The following ARHGEF9 variants were observed in gnomAD, a reference collection of about 807,000 sequenced individuals.
The protein encoded by ARHGEF9 is Cdc42 guanine nucleotide exchange factor 9, also known as rho guanine nucleotide exchange factor 9.
In ARHGEF9, 2 loss-of-function variants were observed where a neutral mutation model predicts 41.3. The ratio of observed to expected loss-of-function variants is 0.05; its 90% CI spans 0.02 to 0.15. The LOEUF is 0.15. Ranked by LOEUF, ARHGEF9 falls within the 10% of genes least tolerant of loss-of-function variation. ARHGEF9 has a pLI of 1.00. For synonymous variants in ARHGEF9, 160 were observed against 154.4 expected (o/e 1.04, Z -0.27); for missense variants, 225 against 424.7 (o/e 0.53, Z 4.13).
intron 8 of ARHGEF9, among the ~76,000 whole-genome samples, chrX:63,655,181 T>C (rs2048803383): frequency 8.9e-6 from 1 of 112,136 alleles, no homozygotes; most frequent in Admixed American, 9.4e-5. Context: ...TTATGAAGAT[T>C]ACAGAACAGG....
At chrX:63,701,083 G>A (rs2052130429) in intron 3 of ARHGEF9, among the ~76,000 whole-genome samples, 1 of 111,808 alleles carries the variant, frequency 8.9e-6, no homozygotes, top group African/African-American at 3.3e-5. Context: ...ACCCACCAGG[G>A]CTGATCTACG....
rs374922142 is a variant in ARHGEF9 at position 63,750,356 on chromosome X, A to C, written c.31-25645T>G. Among the ~76,000 whole-genome samples the C allele has an allele frequency of 2.1e-4, 23 of 111,461 alleles. No homozygotes were observed. In the East Asian group the frequency reaches 6.2e-3, roughly 30 times the overall value. The stretch of plus-strand genomic sequence containing the variant: ...GGATCTTTCAGCTCCCTAGTAGCTG[A>C]ATCACACACACACCGGTGGGTGAGA... On this transcript the variant is annotated intron_variant, in intron 1 of 9. Coordinates refer to ENST00000671741, the MANE Select transcript of ARHGEF9 (RefSeq NM_001353921.2).
chrX:63,648,738 A>G (rs2048309376), intron 8 of ARHGEF9, among the ~76,000 whole-genome samples: 1 of 111,454 alleles, frequency 9.0e-6, no homozygotes, highest in South Asian at 3.8e-4. Context: ...TAGGCTCAAA[A>G]TAAAGGGATG....
At chrX:63,664,277 C>T (rs1556345239) in intron 7 of ARHGEF9, among the ~76,000 whole-genome samples, 2 of 112,369 alleles carry the variant, frequency 1.8e-5, no homozygotes, top group African/African-American at 6.5e-5. Context: ...TTATTCCTGG[C>T]TTCTGACTCA....
chrX:63,722,074 TC>T (rs1287468310), intron 2 of ARHGEF9, among the ~76,000 whole-genome samples: 6 of 112,128 alleles, frequency 5.4e-5, no homozygotes, highest in African/African-American at 1.9e-4. Flanking sequence ...GACTGAATTG[TC>T]CCCATTTTAC....
chrX:63,762,135 A>G (rs2056044794), intron 1 of ARHGEF9, among the ~76,000 whole-genome samples: 1 of 111,654 alleles, frequency 9.0e-6, no homozygotes, highest in Non-Finnish European at 1.9e-5. Context: ...CCTGAGCCTC[A>G]TAACTCATTC....
intron 1 of ARHGEF9, among the ~76,000 whole-genome samples, chrX:63,739,963 C>T (rs782147577): frequency 1.7e-4 from 19 of 111,854 alleles, no homozygotes; most frequent in African/African-American, 5.9e-4. Flanking sequence ...ACTACATAGT[C>T]TAGTTTCTGA....
chrX:63,645,189 AC>A (rs2047934854), intron 8 of ARHGEF9, among the ~76,000 whole-genome samples: 1 of 111,003 alleles, frequency 9.0e-6, no homozygotes, highest in Non-Finnish European at 1.9e-5. Flanking sequence ...TACAGTTGAG[AC>A]TTTATTCAAA....
chrX:63,779,872 T>C lies in ARHGEF9; in HGVS notation c.30+5244A>G, dbSNP rs2056354128. 2.7e-5 allele frequency among the ~76,000 whole-genome samples: 3 copies of C among 111,694 alleles called. No homozygotes were observed. In the South Asian group the frequency reaches 1.1e-3, roughly 42 times the overall value. ...AAACATCGTTTTTCCCTTCTTCCTC[T>C]GTATTAGAAACCCTACTCCCAATTT... is the stretch of plus-strand genomic sequence containing the variant. On this transcript the variant is annotated intron_variant, in intron 1 of 9. Coordinates refer to ENST00000671741, the MANE Select transcript of ARHGEF9 (RefSeq NM_001353921.2).
chrX:63,642,350 A>T (rs1445776807), intron 9 of ARHGEF9: 1 of 112,009 alleles, frequency 8.9e-6, no homozygotes, highest in Non-Finnish European at 1.9e-5. Context: ...TACTGACATT[A>T]ACTCCAGATT....
intron 1 of ARHGEF9, chrX:63,755,005 C>T: frequency 4.3e-6 from 4 of 938,798 alleles, no homozygotes; most frequent in Non-Finnish European, 5.3e-6. Flanking sequence ...CTCAGTCTCC[C>T]CTACTCCCTT....
chrX:63,781,392 A>G (rs1556462023), intron 1 of ARHGEF9, among the ~76,000 whole-genome samples: 1 of 111,509 alleles, frequency 9.0e-6, no homozygotes, highest in Non-Finnish European at 1.9e-5. Flanking sequence ...GGTAATCCAC[A>G]TAGAACCAAG....
chrX:63,655,647 C>T lies in ARHGEF9; in HGVS notation c.1168G>A (p.Asp390Asn). Reference sequence around the variant, plus strand: ...GCATTCTTCATGCTGACATTGAAGTCATCATCTCTGCCATCCTCAATGTCA... The same window carrying T: ...GCATTCTTCATGCTGACATTGAAGTTATCATCTCTGCCATCCTCAATGTCA... ...VVDIEDGRDD[D>N]FNVSMKNAFK... Residue 390 changes from aspartate (D) to asparagine (N), a missense_variant, in exon 8 of 10, where the codon GAC becomes AAC. Around this residue, in one of 3 missense-constraint regions of ARHGEF9, gnomAD observed 75 missense variants for 113.2 expected, o/e 0.66. Coordinates refer to ENST00000671741, the MANE Select transcript of ARHGEF9 (RefSeq NM_001353921.2). 1 of 1,211,321 alleles carries T rather than the reference C, an allele frequency of 8.3e-7. No individual in the cohort carries two copies. The highest frequency in any genetic ancestry group is 1.1e-6 in the Non-Finnish European group (1 of 895,241).
intron 5 of ARHGEF9, 94 bp from the exon 6 acceptor site, chrX:63,674,261 C>CT: frequency 1.0e-6 from 1 of 978,691 alleles, no homozygotes; most frequent in Non-Finnish European, 1.4e-6. Context: ...CCTCTACCTC[C>CT]TTAGTAACAG....
chrX:63,726,245 T>C (rs2053957492), intron 1 of ARHGEF9, among the ~76,000 whole-genome samples: 1 of 112,668 alleles, frequency 8.9e-6, no homozygotes, highest in African/African-American at 3.2e-5. Flanking sequence ...AAATACCTCA[T>C]GCTTTACGCT....
chrX:63,782,279 C>T (rs1440961228), intron 1 of ARHGEF9, among the ~76,000 whole-genome samples: 1 of 111,731 alleles, frequency 9.0e-6, no homozygotes, highest in African/African-American at 3.3e-5. Context: ...TAAAAAGGCA[C>T]TTTATCCCCA....
chrX:63,685,265 A>T (rs2050912282), intron 4 of ARHGEF9, among the ~76,000 whole-genome samples: 1 of 111,569 alleles, frequency 9.0e-6, no homozygotes, highest in Non-Finnish European at 1.9e-5. Context: ...ATCAAATTTT[A>T]AAAGGTCAAA....
chrX:63,675,703 G>A (rs868936382), intron 5 of ARHGEF9, among the ~76,000 whole-genome samples: 5 of 111,971 alleles, frequency 4.5e-5, no homozygotes, highest in Admixed American at 2.8e-4. Context: ...AGTCTCAGAC[G>A]TGTAACCCTT....
At chrX:63,698,067 G>C (rs1171849507) in intron 3 of ARHGEF9, among the ~76,000 whole-genome samples, 5 of 106,291 alleles carry the variant, frequency 4.7e-5, no homozygotes, top group Admixed American at 1.0e-4. Flanking sequence ...GCCTGGACAT[G>C]GTGTTTTTAA....
Sources: gnomAD v4.1 joint callset for allele counts (sites outside exome capture counted in the v4.1 genomes callset) on GRCh38, gnomAD v4.1.1 for gene constraint, gnomAD v4.1.1 regional missense constraint, MANE v1.5 for transcripts, NCBI Gene and HGNC (gene_info 2026-07-23, HGNC 2026-07-21) for gene names.